ERBB4: variants seen among roughly 807,000 people sequenced by gnomAD.
The protein encoded by ERBB4 is erb-b2 receptor tyrosine kinase 4, also known as receptor tyrosine-protein kinase erbB-4.
In ERBB4, 42 loss-of-function variants were observed where a neutral mutation model predicts 158.0. That is an observed-to-expected ratio of 0.27 (90% confidence interval 0.21 to 0.34). The LOEUF (loss-of-function observed/expected upper bound fraction) is 0.34. Ranked by LOEUF, ERBB4 falls within the 10% of genes least tolerant of loss-of-function variation. The pLI is 1.00. For missense variants in ERBB4, 1,333 were observed against 1,624.1 expected, an observed-to-expected ratio of 0.82 and a Z score of 3.08; for synonymous variants, 583 against 558.7, an observed-to-expected ratio of 1.04 and a Z score of -0.61.
rs182593907 is a variant in ERBB4 at position 211,781,914 on chromosome 2, T to A, written c.556+6111A>T. 2.6e-4 allele frequency among the ~76,000 whole-genome samples: 40 copies of A among 152,276 alleles called. No individual in the cohort carries two copies. In the Middle Eastern group the frequency reaches 0.01, roughly 39 times the overall value. On this transcript the variant is annotated intron_variant, in intron 4 of 27. Transcript: ENST00000342788. ...CACGCCAGACTTGGTGCCCAGTCAA[T>A]GCACTGCAGTCTCTAAGGGGGTTGC... is the stretch of plus-strand genomic sequence containing the variant.
intron 1 of ERBB4, among the ~76,000 whole-genome samples, chr2:212,220,928 T>G (rs16847962): frequency 0.041 from 6,241 of 151,646 alleles, 394 homozygotes; most frequent in African/African-American, 0.14. Flanking sequence ...GGTCTCTGGC[T>G]TCTATAAAAG....
chr2:212,384,634 CAAT>C (rs2090614177), intron 1 of ERBB4, among the ~76,000 whole-genome samples: 1 of 151,418 alleles, frequency 6.6e-6, no homozygotes. Flanking sequence ...TTTCAAAGAG[CAAT>C]ATATGTACAA....
chr2:212,426,379 A>C (rs2091913085), intron 1 of ERBB4: 1 of 425,734 alleles, frequency 2.3e-6, no homozygotes, highest in Non-Finnish European at 4.6e-6. Context: ...GTGGTTATAC[A>C]AATTAGATCT....
At chr2:211,591,975 A>G (rs1055817667) in intron 19 of ERBB4, among the ~76,000 whole-genome samples, 1 of 152,242 alleles carries the variant, frequency 6.6e-6, no homozygotes, top group Non-Finnish European at 1.5e-5. Context: ...TTAAGAGTCC[A>G]AGAGACAGCT....
chr2:211,918,664 T>G (rs879292108), intron 3 of ERBB4, among the ~76,000 whole-genome samples: 14 of 152,154 alleles, frequency 9.2e-5, no homozygotes, highest in Non-Finnish European at 2.1e-4. Flanking sequence ...TCTCTGAAGT[T>G]AGATTTGGCC....
intron 25 of ERBB4, among the ~76,000 whole-genome samples, chr2:211,402,810 C>T (rs1197181763): frequency 2.0e-5 from 3 of 151,976 alleles, no homozygotes; most frequent in Admixed American, 6.6e-5. Flanking sequence ...TCAGAGACCA[C>T]CCCATCCATC....
intron 1 of ERBB4, among the ~76,000 whole-genome samples, chr2:212,434,176 T>C (rs1050814288): frequency 1.3e-5 from 2 of 151,962 alleles, no homozygotes; most frequent in Admixed American, 6.6e-5. Flanking sequence ...GTAATCTAAA[T>C]TGTGTCCTCT....
chr2:211,590,722 C>T (rs868326153), intron 19 of ERBB4, among the ~76,000 whole-genome samples: 6 of 152,260 alleles, frequency 3.9e-5, no homozygotes, highest in Middle Eastern at 3.4e-3. Context: ...TCAGCTGGCT[C>T]TGCGTTAATT....
At chr2:212,534,418 A>G (rs1354634601) in intron 1 of ERBB4, among the ~76,000 whole-genome samples, 1 of 152,188 alleles carries the variant, frequency 6.6e-6, no homozygotes, top group East Asian at 1.9e-4. Flanking sequence ...TTCTCTGTGG[A>G]AAGGTTTGGC....
chr2:212,301,502 T>C (rs2086620562), intron 1 of ERBB4, among the ~76,000 whole-genome samples: 1 of 151,402 alleles, frequency 6.6e-6, no homozygotes, highest in South Asian at 2.1e-4. Context: ...TCTGAAATAG[T>C]TTATTCAATC....
At chr2:211,545,228 G>A (rs1265284293) in intron 20 of ERBB4, among the ~76,000 whole-genome samples, 1 of 151,896 alleles carries the variant, frequency 6.6e-6, no homozygotes, top group Non-Finnish European at 1.5e-5. Context: ...AGTACAAAAA[G>A]ATAAAGTAGA....
intron 6 of ERBB4, among the ~76,000 whole-genome samples, chr2:211,724,536 G>A (rs1323170201): frequency 6.6e-6 from 1 of 151,742 alleles, no homozygotes; most frequent in African/African-American, 2.4e-5. Flanking sequence ...TTGCTGACAT[G>A]TATGCCAAAG....
chr2:212,213,963 C>T (rs931836951), intron 1 of ERBB4, among the ~76,000 whole-genome samples: 2 of 151,792 alleles, frequency 1.3e-5, no homozygotes, highest in South Asian at 2.1e-4. Context: ...TTGATTGACA[C>T]GGAGGATTTT....
At chr2:211,595,354 G>A (rs2068598491) in intron 19 of ERBB4, among the ~76,000 whole-genome samples, 1 of 151,826 alleles carries the variant, frequency 6.6e-6, no homozygotes, top group Non-Finnish European at 1.5e-5. Flanking sequence ...TTAAAGACTT[G>A]AAAAACAGAT....
intron 25 of ERBB4, among the ~76,000 whole-genome samples, chr2:211,416,813 CTTTT>C (rs60021795): frequency 6.3e-5 from 9 of 142,108 alleles, no homozygotes; most frequent in Non-Finnish European, 7.7e-5. Flanking sequence ...GAAGCCTTCC[CTTTT>C]TTTTTTTTTT....
chr2:211,522,237 T>A (rs2066206956), intron 20 of ERBB4, among the ~76,000 whole-genome samples: 1 of 152,256 alleles, frequency 6.6e-6, no homozygotes, highest in Admixed American at 6.5e-5. Context: ...AAGAGCAACA[T>A]TAACAGGACT....
intron 19 of ERBB4, among the ~76,000 whole-genome samples, chr2:211,568,718 A>C (rs1224918533): frequency 6.6e-6 from 1 of 152,184 alleles, no homozygotes; most frequent in Non-Finnish European, 1.5e-5. Context: ...ATTAATGTAG[A>C]CATATAAAAC....
At chr2:212,479,113 C>T (rs1048377059) in intron 1 of ERBB4, among the ~76,000 whole-genome samples, 54 of 152,156 alleles carry the variant, frequency 3.5e-4, no homozygotes, top group African/African-American at 1.1e-3. Context: ...TGTTACATTA[C>T]AGCCAATAAC....
intron 1 of ERBB4, among the ~76,000 whole-genome samples, chr2:212,456,061 G>A (rs1381039601): frequency 6.6e-6 from 1 of 151,744 alleles, no homozygotes; most frequent in Non-Finnish European, 1.5e-5. Context: ...GAAAAAAAAA[G>A]CATAAATATT....
Sources: gnomAD v4.1 joint callset for allele counts (sites outside exome capture counted in the v4.1 genomes callset) on GRCh38, gnomAD v4.1.1 for gene constraint, MANE v1.5 for transcripts, NCBI Gene and HGNC (gene_info 2026-07-23, HGNC 2026-07-21) for gene names.